Variants in NRDE2 observed in about 807,000 individuals in gnomAD.
NRDE2 encodes nuclear exosome regulator NRDE2.
In NRDE2, 76 loss-of-function variants were observed where a neutral mutation model predicts 124.2. That is an observed-to-expected ratio of 0.61 (90% CI 0.51 to 0.74). The LOEUF is 0.74. Ranked by LOEUF, NRDE2 falls within the 30% of genes least tolerant of loss-of-function variation. NRDE2 has a pLI of 0.00. For synonymous variants in NRDE2, 489 were observed against 528.1 expected, an observed-to-expected ratio of 0.93 and a Z score of 1.01; for missense variants, 1,314 against 1,417.3, an observed-to-expected ratio of 0.93 and a Z score of 1.17.
chr14:90,329,850 A>T (rs1397122119), intron 1 of NRDE2, among the ~76,000 whole-genome samples: 1 of 151,448 alleles, frequency 6.6e-6, no homozygotes, highest in African/African-American at 2.4e-5. Context: ...AAAAAAAAAA[A>T]AAAAGTAAAA....
chr14:90,316,256 G>A (rs1176508400), intron 3 of NRDE2, among the ~76,000 whole-genome samples: 1 of 152,060 alleles, frequency 6.6e-6, no homozygotes, highest in Admixed American at 6.6e-5. Context: ...GGAGACCCAC[G>A]GCCCTCAGAG....
chr14:90,309,160 C>T (rs999775105), intron 4 of NRDE2, among the ~76,000 whole-genome samples: 29 of 151,740 alleles, frequency 1.9e-4, no homozygotes, highest in African/African-American at 7.0e-4. Flanking sequence ...CACGCATTGG[C>T]CCAAGAGAAA....
At position 90,288,266 on chromosome 14, in the gene NRDE2, C is replaced by T. The variant is rs1180564502; in HGVS notation, c.3109G>A (p.Ala1037Thr). ...TTCCTCAGTTTCTCAGCTTCAATTG[C>T]AAACAACCAAGGCTCCAAGGGTTTG... ...SAKPLEPWLFAIEAEKLRKRL... is the reference protein window; with the variant it reads ...SAKPLEPWLFTIEAEKLRKRL... Residue 1037 changes from alanine (A) to threonine (T), a missense_variant, in exon 11 of 14, where the codon GCA becomes ACA. Transcript: ENST00000354366. The T allele has an allele frequency of 6.2e-7, 1 of 1,614,142 alleles. No homozygotes were observed. The highest frequency in any genetic ancestry group is 8.5e-7 in the Non-Finnish European group (1 of 1,180,016).
chr14:90,328,840 G>A (rs977910022), intron 1 of NRDE2, among the ~76,000 whole-genome samples: 4 of 152,188 alleles, frequency 2.6e-5, no homozygotes, highest in Admixed American at 6.5e-5. Context: ...ATGGAATGAA[G>A]GAGAGGAAGA....
Position 90,278,459 on chromosome 14 carries a change from C to A in NRDE2, c.3372G>T (p.Val1124=). The A allele has an allele frequency of 6.2e-7, 1 of 1,614,008 alleles. No homozygotes were observed. The highest frequency in any genetic ancestry group is 1.7e-4 in the Middle Eastern group (1 of 6,060). The change falls in exon 14 of 14, where the codon GTG becomes GTT. Residue 1124 remains valine, a splice_region_variant and synonymous_variant. Transcript: ENST00000354366. ...AATACTCCACGGCGTCCAGGTACAACACCTAGGGGGCAGGCAGGAAGGCCG... is the reference window on the plus strand; with the variant it reads ...AATACTCCACGGCGTCCAGGTACAAAACCTAGGGGGCAGGCAGGAAGGCCG... ...KALQNCPWAK[V]LYLDAVEYFP...
At chr14:90,293,026 C>T (rs568601375) in intron 8 of NRDE2, among the ~76,000 whole-genome samples, 154 bp from the exon 9 acceptor site, 2 of 152,266 alleles carry the variant, frequency 1.3e-5, no homozygotes, top group Admixed American at 6.5e-5. Flanking sequence ...CATTTAGGAA[C>T]TCTTTGTAAT....
intron 1 of NRDE2, among the ~76,000 whole-genome samples, chr14:90,330,929 T>C (rs1334469007): frequency 6.6e-6 from 1 of 151,408 alleles, no homozygotes; most frequent in Non-Finnish European, 1.5e-5. Flanking sequence ...TTAGAATTAC[T>C]TTTTTTTCTT....
At chr14:90,284,009 A>C (rs1256824283) in intron 12 of NRDE2, among the ~76,000 whole-genome samples, 1 of 151,696 alleles carries the variant, frequency 6.6e-6, no homozygotes, top group Non-Finnish European at 1.5e-5. Context: ...CCACACTCAG[A>C]CTTGGTAATT....
At position 90,302,825 on chromosome 14, in the gene NRDE2, T is replaced by G; in HGVS notation, c.1306A>C (p.Lys436Gln). 2 of 1,614,180 alleles carry G rather than the reference T, an allele frequency of 1.2e-6. No homozygotes were observed. The highest frequency in any genetic ancestry group is 8.5e-7 in the Non-Finnish European group (1 of 1,180,048). Residue 436 changes from lysine (K) to glutamine (Q), a missense_variant, in exon 6 of 14, where the codon AAA (lysine) becomes CAA (glutamine). Physicochemically the swap from Lys to Gln is moderately conservative, Grantham distance 53. Coordinates refer to ENST00000354366, the MANE Select transcript of NRDE2 (RefSeq NM_017970.4). The stretch of plus-strand genomic sequence containing the variant: ...CATTTTCCATAAAGACTGTGAATTT[T>G]TGATATCGAAAAGGTACTAAACTGG... ...QSQFSTFSIS[K>Q]IHSLYGKCLS...
Position 90,303,944 on chromosome 14 carries a change from A to G in NRDE2, c.996T>C (p.Val332=), listed in dbSNP as rs780691370. 3.7e-5 allele frequency: 59 copies of G among 1,605,056 alleles called. No homozygotes were observed. The highest frequency in any genetic ancestry group is 5.0e-5 in the Non-Finnish European group (59 of 1,174,300). The stretch of plus-strand genomic sequence containing the variant: ...GGATGGCAACACATACCTGAAAAGC[A>G]ACAAATGCCATCCACAGCTGCGTAT... ...PRDTQLWMAF[V]AFQDEVMKSP... Residue 332 remains valine (V), a synonymous_variant, in exon 5 of 14, where the codon GTT becomes GTC. Coordinates refer to ENST00000354366, the MANE Select transcript of NRDE2 (RefSeq NM_017970.4).
chr14:90,278,244 T>C lies in NRDE2; in HGVS notation c.*92A>G. The C allele has an allele frequency of 6.8e-7, 1 of 1,470,766 alleles. No individual in the cohort carries two copies. Among genetic ancestry groups the C allele is most frequent in the Non-Finnish European group, 9.4e-7 (1 of 1,064,454 alleles). 91.1% of individuals were successfully genotyped at this position (1,470,766 alleles called of 1,614,324 possible). ...AGAAAGAACATTTCAAAAGCCGAGT[T>C]CTCCTAACACACACGTTCTCTGCTC... On this transcript the variant is annotated 3_prime_UTR_variant, in exon 14 of 14. Coordinates refer to ENST00000354366, the MANE Select transcript of NRDE2 (RefSeq NM_017970.4).
Position 90,288,365 on chromosome 14 carries a change from A to C in NRDE2, c.3010T>G (p.Tyr1004Asp). The change falls in exon 11 of 14, where the codon TAT (tyrosine) becomes GAT (aspartate). Residue 1004 changes from tyrosine (Y) to aspartate (D), a missense_variant. Tyr to Asp is a radical substitution (Grantham distance 160). Transcript: ENST00000354366. ...YPGNQVLWRS[Y>D]VQIQNKSHSA... ...TGGGACTTATTCTGAATCTGTACAT[A>C]GGACCTCCAAAGAACCTGGTTGCCT... 2 of 1,614,216 alleles carry C rather than the reference A, an allele frequency of 1.2e-6. No individual in the cohort carries two copies. Among genetic ancestry groups the C allele is most frequent in the Non-Finnish European group, 1.7e-6 (2 of 1,180,036 alleles).
chr14:90,295,584 A>G (rs1884114246), intron 8 of NRDE2, among the ~76,000 whole-genome samples: 1 of 152,234 alleles, frequency 6.6e-6, no homozygotes, highest in African/African-American at 2.4e-5. Flanking sequence ...AAAAGATTAC[A>G]GAGCTTTGGA....
At chr14:90,301,406 G>A (rs1320590237) in intron 6 of NRDE2, 34 bp from the exon 7 acceptor site, 5 of 1,608,442 alleles carry the variant, frequency 3.1e-6, no homozygotes, top group Non-Finnish European at 4.3e-6. Context: ...AAGAAGCCTG[G>A]TTGATACCGT....
chr14:90,317,382 G>A (rs1183327619), intron 2 of NRDE2, among the ~76,000 whole-genome samples: 1 of 152,192 alleles, frequency 6.6e-6, no homozygotes, highest in Admixed American at 6.5e-5. Flanking sequence ...TTTTGGAGAT[G>A]ACAATGAGCT....
At chr14:90,287,848 A>C (rs1321179726) in intron 11 of NRDE2, among the ~76,000 whole-genome samples, 1 of 152,058 alleles carries the variant, frequency 6.6e-6, no homozygotes, top group Non-Finnish European at 1.5e-5. Context: ...CCCAGCCGAG[A>C]AGAGCTGGCA....
chr14:90,278,974 G>T (rs1221506788), intron 13 of NRDE2, 88 bp downstream of exon 13: 1 of 920,400 alleles, frequency 1.1e-6, no homozygotes, highest in Non-Finnish European at 1.8e-6. Flanking sequence ...CCCCGGTGCC[G>T]CGGGGCAGGC....
chr14:90,313,601 G>C (rs4900035), intron 3 of NRDE2, among the ~76,000 whole-genome samples: 47,338 of 151,952 alleles, frequency 0.31, 7,426 homozygotes, highest in South Asian at 0.35. Flanking sequence ...ACCACTCCCG[G>C]GGCGTTAAGT....
intron 8 of NRDE2, among the ~76,000 whole-genome samples, chr14:90,295,933 C>CT (rs1884133806): frequency 6.6e-6 from 1 of 152,208 alleles, no homozygotes; most frequent in Admixed American, 6.5e-5. Context: ...ACACAAGTCT[C>CT]TAACTTGATG....
Sources: gnomAD v4.1 joint callset for allele counts (sites outside exome capture counted in the v4.1 genomes callset) on GRCh38, gnomAD v4.1.1 for gene constraint, MANE v1.5 for transcripts, NCBI Gene and HGNC (gene_info 2026-07-23, HGNC 2026-07-21) for gene names.